TRIM31: variants seen among roughly 807,000 people sequenced by gnomAD.
The protein encoded by TRIM31 is tripartite motif containing 31.
TRIM31 carries 31 observed loss-of-function variants against 40.6 expected under a neutral mutation model. That is an observed-to-expected ratio of 0.76 (90% CI 0.57 to 1.03). The LOEUF (loss-of-function observed/expected upper bound fraction) is 1.03. Ranked by LOEUF, TRIM31 falls within the 50% of genes least tolerant of loss-of-function variation. TRIM31 has a pLI of 0.00. For synonymous variants in TRIM31, 164 were observed against 193.9 expected (o/e 0.85, Z 1.28); for missense variants, 455 against 497.5 (o/e 0.91, Z 0.81).
intron 8 of TRIM31, 94 bp downstream of exon 8, chr6:30,104,008 T>C: frequency 7.1e-7 from 1 of 1,418,014 alleles, no homozygotes; most frequent in Non-Finnish European, 9.8e-7. Flanking sequence ...CATTCATTTA[T>C]TCATTTATTC....
chr6:30,105,238 T>C lies in TRIM31; in HGVS notation c.888A>G (p.Gln296=). ...ITGSLKKFKD[Q]LQADRKKDEN... is the part of the protein sequence containing the mutation. ...CATCTTTTTTCCTATCAGCCTGGAG[T>C]TGGTCTGGGGAATAAAGAATGGGAT... The change falls in exon 7 of 9, where the codon CAA becomes CAG. Residue 296 remains glutamine, a synonymous_variant. Coordinates refer to ENST00000376734, the MANE Select transcript of TRIM31 (RefSeq NM_007028.5). 1 of 1,612,750 alleles carries C rather than the reference T, an allele frequency of 6.2e-7. No individual in the cohort carries two copies. The highest frequency in any genetic ancestry group is 1.1e-5 in the South Asian group (1 of 91,020).
At chr6:30,104,559 T>C (rs1768498804) in intron 7 of TRIM31, among the ~76,000 whole-genome samples, 1 of 152,170 alleles carries the variant, frequency 6.6e-6, no homozygotes, top group Admixed American at 6.5e-5. Flanking sequence ...TCTAATTCTC[T>C]CTCTTTCACT....
chr6:30,106,687 G>T (rs1007448123), intron 6 of TRIM31, among the ~76,000 whole-genome samples: 1 of 152,126 alleles, frequency 6.6e-6, no homozygotes, highest in African/African-American at 2.4e-5. Context: ...AGAAAAGGGG[G>T]ATACAGAGTA....
chr6:30,107,945 G>T, intron 6 of TRIM31, 108 bp downstream of exon 6: 2 of 754,206 alleles, frequency 2.7e-6, no homozygotes, highest in Non-Finnish European at 4.5e-6. Context: ...CACTAGAAGG[G>T]CCCAGGGATT....
In TRIM31 at chr6:30,103,549, AC is replaced by A; in HGVS notation, c.1264del (p.Val422PhefsTer26). 6.2e-7 allele frequency: 1 copy of A among 1,612,506 alleles called. No homozygotes were observed. Among genetic ancestry groups the A allele is most frequent in the Non-Finnish European group, 8.5e-7 (1 of 1,179,728 alleles). On this transcript the variant is annotated frameshift_variant, in exon 9 of 9. Coordinates refer to ENST00000376734, the MANE Select transcript of TRIM31 (RefSeq NM_007028.5). LOFTEE classifies it high-confidence loss of function. ...LTAIRAWFCE[V>X]PSS ...CTCTGAGCTGGCTTAGCTTGAAGGA[AC>A]CTCACAAAACCAAGCCCGGATCGCT...
At chr6:30,103,829 GC>G in intron 8 of TRIM31, 40 bp from the exon 9 acceptor site, 1 of 1,610,162 alleles carries the variant, frequency 6.2e-7, no homozygotes, top group Non-Finnish European at 8.5e-7. Flanking sequence ...GTCAGCGGGA[GC>G]ACCTCGGCAG....
intron 2 of TRIM31, 83 bp from the exon 3 acceptor site, chr6:30,111,826 G>T: frequency 7.9e-7 from 1 of 1,267,754 alleles, no homozygotes. Flanking sequence ...AGGAGAGCTG[G>T]TGACACTCTC....
At position 30,112,661 on chromosome 6, in the gene TRIM31, C is replaced by T. The variant is rs1769476817; in HGVS notation, c.145G>A (p.Gly49Arg). ...TTGCAGAGGGGACATTTGAAAAATC[C>T]ACATGATGTTTCCCCAATCTGAGTG... ...CITQIGETSCGFFKCPLCKTS... is the reference protein window; with the variant it reads ...CITQIGETSCRFFKCPLCKTS... The change falls in exon 2 of 9, where the codon GGA (glycine) becomes AGA (arginine). Residue 49 changes from glycine to arginine, a missense_variant. Coordinates refer to ENST00000376734, the MANE Select transcript of TRIM31 (RefSeq NM_007028.5). 2.5e-6 allele frequency: 4 copies of T among 1,612,974 alleles called. No individual in the cohort carries two copies. The highest frequency in any genetic ancestry group is 2.5e-6 in the Non-Finnish European group (3 of 1,180,052).
At chr6:30,104,482 G>T (rs549225860) in intron 7 of TRIM31, among the ~76,000 whole-genome samples, 1 of 152,258 alleles carries the variant, frequency 6.6e-6, no homozygotes, top group South Asian at 2.1e-4. Context: ...TGGTGGAATA[G>T]GATCCCTAAA....
intron 2 of TRIM31, 39 bp from the exon 3 acceptor site, chr6:30,111,782 G>T: frequency 6.3e-7 from 1 of 1,597,820 alleles, no homozygotes; most frequent in African/African-American, 1.3e-5. Context: ...TGTGCCTGGA[G>T]ATTTCTGGCC....
chr6:30,106,606 A>G (rs1768732763), intron 6 of TRIM31, among the ~76,000 whole-genome samples: 3 of 151,796 alleles, frequency 2.0e-5, no homozygotes, highest in South Asian at 2.1e-4. Flanking sequence ...AGAAAAAAAA[A>G]AGAAGGAAAT....
intron 6 of TRIM31, 57 bp downstream of exon 6, chr6:30,107,996 G>A (rs1222824959): frequency 8.7e-7 from 1 of 1,144,090 alleles, no homozygotes; most frequent in Non-Finnish European, 1.3e-6. Flanking sequence ...AGTGGAGTGA[G>A]CAGGGAGAGA....
Position 30,112,512 on chromosome 6 carries a change from G to A in TRIM31, c.294C>T (p.His98=). Residue 98 remains histidine (H), a synonymous_variant, in exon 2 of 9, where the codon CAC becomes CAT. Transcript: ENST00000376734. The stretch of plus-strand genomic sequence containing the variant: ...CGCAGAAATAGTGGAACATCTCCTG[G>A]TGCCTCGGGCATGTAGCCTCTTTCC... ...SKRKEATCPR[H]QEMFHYFCED... The A allele has an allele frequency of 1.2e-6, 2 of 1,613,118 alleles. No individual in the cohort carries two copies. The highest frequency in any genetic ancestry group is 1.7e-6 in the Non-Finnish European group (2 of 1,180,048).
intron 1 of TRIM31, 86 bp from the exon 2 acceptor site, chr6:30,112,974 G>A (rs1428288043): frequency 6.7e-5 from 37 of 556,320 alleles, no homozygotes; most frequent in South Asian, 2.4e-4. Flanking sequence ...GAAAAGAAGA[G>A]GGAGAAAAAA....
At chr6:30,109,131 G>T in intron 4 of TRIM31, 83 bp from the exon 5 acceptor site, 1 of 1,420,500 alleles carries the variant, frequency 7.0e-7, no homozygotes, top group Non-Finnish European at 9.9e-7. Flanking sequence ...CCTGCTGGGT[G>T]TGGGGCAGAG....
In TRIM31 at chr6:30,103,690, CAT is replaced by C. The variant is rs1374559168; in HGVS notation, c.1122_1123del (p.Cys375SerfsTer6). ...AATCTCATCATAAGAGGCCAGGAGA[CAT>C]ACTGGAAAAGTGACTTTCCCAGCAG... On this transcript the variant is annotated frameshift_variant, in exon 9 of 9. Transcript: ENST00000376734. LOFTEE classifies it low-confidence loss of function (END_TRUNC). 7 of 1,612,942 alleles carry C rather than the reference CAT, an allele frequency of 4.3e-6. No homozygotes were observed. The highest frequency in any genetic ancestry group is 1.7e-5 in the Admixed American group (1 of 59,992).
rs1408689206 is a variant in TRIM31 at position 30,108,286 on chromosome 6, C to T, written c.768-118G>A. On this transcript the variant is annotated intron_variant, in intron 5 of 8. Transcript: ENST00000376734. ...GAAGACCTGGGGGTAGAACTGAGAG[C>T]AGTGGCTCACACCTGTAATCCCAGC... 22 of 735,298 alleles carry T rather than the reference C, an allele frequency of 3.0e-5. 1 individual carries two copies. The highest frequency in any genetic ancestry group is 8.1e-5 in the South Asian group (5 of 61,940). 45.5% of individuals were successfully genotyped at this position (735,298 alleles called of 1,614,324 possible).
rs1184225763 is a variant in TRIM31, at chr6:30,107,846, A to G, written c.883+207T>C. 5 of 543,994 alleles carry G rather than the reference A, an allele frequency of 9.2e-6. No homozygotes were observed. In the Middle Eastern group the frequency reaches 1.5e-3, roughly 161 times the overall value. The allele number at this position is 543,994 out of a possible 1,614,324, so 33.7% of individuals were successfully genotyped here. ...TGGCTCTCGCAGGAGTCAGGGAGGC[A>G]GATAAATAACATATCACAAAGACAG... On this transcript the variant is annotated intron_variant, in intron 6 of 8. Coordinates refer to ENST00000376734, the MANE Select transcript of TRIM31 (RefSeq NM_007028.5).
chr6:30,103,703 T>C lies in TRIM31; in HGVS notation c.1111A>G (p.Thr371Ala), dbSNP rs1190188063. Residue 371 changes from threonine (T) to alanine (A), a missense_variant, in exon 9 of 9, where the codon ACT (threonine) becomes GCT (alanine). Thr to Ala is a moderately conservative substitution (Grantham distance 58). Coordinates refer to ENST00000376734, the MANE Select transcript of TRIM31 (RefSeq NM_007028.5). Reference sequence around the variant, plus strand: ...GAGGCCAGGAGACATACTGGAAAAGTGACTTTCCCAGCAGACGAGGCCCGA... The same window carrying C: ...GAGGCCAGGAGACATACTGGAAAAGCGACTTTCCCAGCAGACGAGGCCCGA... ...LFRASSAGKV[T>A]FPVCLLASYD... The C allele has an allele frequency of 6.2e-7, 1 of 1,612,942 alleles. No individual in the cohort carries two copies. The highest frequency in any genetic ancestry group is 1.7e-5 in the Admixed American group (1 of 60,026).
Sources: gnomAD v4.1 joint callset for allele counts (sites outside exome capture counted in the v4.1 genomes callset) on GRCh38, gnomAD v4.1.1 for gene constraint, MANE v1.5 for transcripts, NCBI Gene and HGNC (gene_info 2026-07-23, HGNC 2026-07-21) for gene names.